Variants in CNOT1 observed in about 807,000 individuals in gnomAD.
CNOT1 encodes CCR4-NOT transcription complex subunit 1, also known as CCR4-associated factor 1.
Under a neutral mutation model 273.8 loss-of-function variants are expected in CNOT1, and 15 were observed. That is an observed-to-expected ratio of 0.05 (90% CI 0.04 to 0.08). CNOT1 has a LOEUF of 0.08. Among genes scored for constraint, CNOT1 ranks in the 10% least tolerant of loss-of-function variants. CNOT1 has a pLI of 1.00. For synonymous variants in CNOT1, 1,022 were observed against 1,005.5 expected (o/e 1.02, Z -0.31); for missense variants, 1,644 against 2,912.2 (o/e 0.56, Z 10.02).
intron 46 of CNOT1, chr16:58,523,771 C>T (rs1218888490): frequency 6.9e-6 from 2 of 290,774 alleles, no homozygotes; most frequent in Non-Finnish European, 6.5e-6. Flanking sequence ...TTTCTGGTGA[C>T]ACTCATCACT....
chr16:58,531,614 CAA>C (rs891875577), intron 42 of CNOT1, among the ~76,000 whole-genome samples: 2 of 151,748 alleles, frequency 1.3e-5, no homozygotes, highest in African/African-American at 2.4e-5. Context: ...CCCCTACCCC[CAA>C]AAAAACCCTT....
At chr16:58,529,544 A>T (rs1344581513) in intron 43 of CNOT1, among the ~76,000 whole-genome samples, 1 of 152,242 alleles carries the variant, frequency 6.6e-6, no homozygotes, top group Admixed American at 6.5e-5. Context: ...CTCATTAAGA[A>T]GTCATCAAGG....
rs763718983 is a variant in CNOT1, at chr16:58,582,776, T to A, written c.1044+17A>T. 1.6e-6 allele frequency: 2 copies of A among 1,272,466 alleles called. No individual in the cohort carries two copies. Among genetic ancestry groups the A allele is most frequent in the East Asian group, 4.6e-5 (2 of 43,326 alleles). 78.8% of individuals were successfully genotyped at this position (1,272,466 alleles called of 1,614,324 possible). ...TTCAAATACCACAAATCAAAAATCA[T>A]CATCACATATACTCACCAGTTCTTT... On this transcript the variant is annotated intron_variant, in intron 10 of 48. Transcript: ENST00000317147.
In CNOT1 at chr16:58,599,432, A is replaced by G. The variant is rs560817536; in HGVS notation, c.-95T>C. On this transcript the variant is annotated 5_prime_UTR_variant, in exon 2 of 49. Coordinates refer to ENST00000317147, the MANE Select transcript of CNOT1 (RefSeq NM_016284.5). ...AGAGGCAGGTTAATGCTTTCTTTGT[A>G]ATTAGGCTATATCTGGTATCTGTAT... 189 of 1,477,260 alleles carry G rather than the reference A, an allele frequency of 1.3e-4. 1 individual carries two copies. The highest frequency in any genetic ancestry group is 6.1e-4 in the Admixed American group (33 of 53,942). The allele number at this position is 1,477,260 out of a possible 1,614,324, so 91.5% of individuals were successfully genotyped here. A position where few individuals can be genotyped will look rare whatever the true frequency, so the allele number is the denominator to read the frequency against.
intron 42 of CNOT1, 89 bp from the exon 43 acceptor site, chr16:58,530,436 T>G: frequency 1.2e-6 from 1 of 812,394 alleles, no homozygotes; most frequent in South Asian, 1.8e-5. Flanking sequence ...CTGACTTATC[T>G]TCTTCATGCT....
chr16:58,559,943 G>A (rs775472830), intron 17 of CNOT1: 2 of 903,388 alleles, frequency 2.2e-6, no homozygotes, highest in Non-Finnish European at 3.4e-6. Context: ...TGTCTCAAGA[G>A]TCTACGTAAT....
At chr16:58,552,367 G>A (rs2040480670) in intron 22 of CNOT1, among the ~76,000 whole-genome samples, 2 of 152,114 alleles carry the variant, frequency 1.3e-5, no homozygotes, top group Non-Finnish European at 2.9e-5. Flanking sequence ...TTTATTTTTA[G>A]AGGGACATTT....
At chr16:58,574,451 G>C (rs1265213737) in intron 16 of CNOT1, among the ~76,000 whole-genome samples, 158 bp downstream of exon 16, 6 of 149,616 alleles carry the variant, frequency 4.0e-5, no homozygotes, top group Non-Finnish European at 8.9e-5. Context: ...AACTCAAATG[G>C]ATCTAGTATG....
rs1225085510 is a variant in CNOT1, at chr16:58,542,225, T to C, written c.4680+6A>G. 6.2e-7 allele frequency: 1 copy of C among 1,613,314 alleles called. No individual in the cohort carries two copies. Among genetic ancestry groups the C allele is most frequent in the Non-Finnish European group, 8.5e-7 (1 of 1,179,850 alleles). On this transcript the variant is annotated splice_donor_region_variant and intron_variant, in intron 33 of 48. Transcript: ENST00000317147. ...GGACGGGGAAAGACAGAGCCCCAATTCTCACTTTCAGCCTGATTTGCTCTG... is the reference window on the plus strand; with the variant it reads ...GGACGGGGAAAGACAGAGCCCCAATCCTCACTTTCAGCCTGATTTGCTCTG...
In CNOT1 at chr16:58,551,291, G is replaced by A; in HGVS notation, c.3202-19C>T. On this transcript the variant is annotated intron_variant, in intron 23 of 48. Transcript: ENST00000317147. Reference sequence around the variant, plus strand: ...TAGAAGGCTAAAAAAAAAAAATAAAGTACATAAGGCAAATAAGTTGAAATG... The same window carrying A: ...TAGAAGGCTAAAAAAAAAAAATAAAATACATAAGGCAAATAAGTTGAAATG... The A allele has an allele frequency of 1.3e-6, 2 of 1,545,868 alleles. No individual in the cohort carries two copies.
At chr16:58,559,781 G>A (rs1373762463) in intron 17 of CNOT1, 3 of 511,448 alleles carry the variant, frequency 5.9e-6, no homozygotes, top group African/African-American at 5.8e-5. Context: ...GGTGGTTGAT[G>A]TCAGGGAGTA....
chr16:58,622,801 C>T (rs1313101071), intron 1 of CNOT1, among the ~76,000 whole-genome samples: 11 of 149,610 alleles, frequency 7.4e-5, no homozygotes, highest in African/African-American at 2.7e-4. Context: ...GAGCTGAGAT[C>T]GCACCACTGC....
chr16:58,568,362 C>T (rs1343992043), intron 16 of CNOT1, among the ~76,000 whole-genome samples: 1 of 143,426 alleles, frequency 7.0e-6, no homozygotes, highest in Non-Finnish European at 1.6e-5. Context: ...GAGCGAAACT[C>T]CATCTCAAGA....
At chr16:58,601,615 A>C (rs1386785970) in intron 1 of CNOT1, among the ~76,000 whole-genome samples, 1 of 151,976 alleles carries the variant, frequency 6.6e-6, no homozygotes, top group Non-Finnish European at 1.5e-5. Context: ...TTAATGTATA[A>C]AGGTTACACA....
chr16:58,588,945 TAAAAC>T (rs764514968), intron 2 of CNOT1, 39 bp from the exon 3 acceptor site: 17 of 1,477,110 alleles, frequency 1.2e-5, no homozygotes, highest in South Asian at 2.7e-5. Context: ...TAAGGGAAGA[TAAAAC>T]AAAAAAAAAA....
intron 17 of CNOT1, chr16:58,559,746 AAT>A: frequency 4.1e-6 from 2 of 486,122 alleles, no homozygotes; most frequent in Non-Finnish European, 8.5e-6. Context: ...ATAGAAGCGC[AAT>A]ATGTTGCTCC....
intron 1 of CNOT1, among the ~76,000 whole-genome samples, chr16:58,612,469 T>C (rs2042934623): frequency 6.6e-6 from 1 of 152,188 alleles, no homozygotes; most frequent in South Asian, 2.1e-4. Context: ...ACTGGCGCCG[T>C]GGCTCACACC....
chr16:58,622,195 T>G (rs2043358211), intron 1 of CNOT1, among the ~76,000 whole-genome samples: 2 of 150,858 alleles, frequency 1.3e-5, no homozygotes, highest in South Asian at 4.2e-4. Flanking sequence ...GCGCCTGTAG[T>G]CCCAGTTACT....
chr16:58,621,452 C>T (rs11860728), intron 1 of CNOT1, among the ~76,000 whole-genome samples: 113,663 of 151,030 alleles, frequency 0.75, 43,173 homozygotes, highest in Middle Eastern at 0.86. Flanking sequence ...TTTGTATTTT[C>T]AGTGGATACG....
Sources: gnomAD v4.1 joint callset for allele counts (sites outside exome capture counted in the v4.1 genomes callset) on GRCh38, gnomAD v4.1.1 for gene constraint, MANE v1.5 for transcripts, NCBI Gene and HGNC (gene_info 2026-07-23, HGNC 2026-07-21) for gene names.